The following TEAD1 variants were observed in gnomAD, a reference collection of about 807,000 sequenced individuals.
TEAD1 encodes the protein transcriptional enhancer factor TEF-1.
TEAD1 carries 9 observed loss-of-function variants against 54.9 expected under a neutral mutation model. The ratio of observed to expected loss-of-function variants is 0.16; its 90% CI spans 0.10 to 0.29. The LOEUF is 0.29. Among genes scored for constraint, TEAD1 ranks in the 10% least tolerant of loss-of-function variants. TEAD1 has a pLI of 1.00. For synonymous variants in TEAD1, 200 were observed against 187.8 expected (o/e 1.07, Z -0.53); for missense variants, 387 against 535.9 (o/e 0.72, Z 2.74).
chr11:12,678,566 C>T (rs921692425), intron 2 of TEAD1, among the ~76,000 whole-genome samples: 3 of 152,230 alleles, frequency 2.0e-5, no homozygotes, highest in Admixed American at 6.5e-5. Flanking sequence ...GTCCATCCTA[C>T]GCACTTCATA....
chr11:12,744,962 C>T (rs1425445792), intron 2 of TEAD1, among the ~76,000 whole-genome samples: 1 of 152,186 alleles, frequency 6.6e-6, no homozygotes, highest in African/African-American at 2.4e-5. Context: ...CCTCCCTGAG[C>T]TGTGCTCTGC....
intron 3 of TEAD1, among the ~76,000 whole-genome samples, chr11:12,840,630 A>G (rs974126633): frequency 6.6e-6 from 1 of 152,146 alleles, no homozygotes; most frequent in East Asian, 1.9e-4. Context: ...AGTGCCGTCT[A>G]TGTTAATAGA....
intron 2 of TEAD1, among the ~76,000 whole-genome samples, chr11:12,694,312 C>T (rs540996900): frequency 2.6e-5 from 4 of 151,840 alleles, no homozygotes; most frequent in South Asian, 2.1e-4. Context: ...GGGAGAGAGA[C>T]GAGAGAACAA....
At chr11:12,867,943 A>G (rs1320986412) in intron 5 of TEAD1, among the ~76,000 whole-genome samples, 1 of 152,316 alleles carries the variant, frequency 6.6e-6, no homozygotes, top group East Asian at 1.9e-4. Context: ...TGACCATCCC[A>G]GTAACTATCC....
At chr11:12,790,170 G>A (rs902786849) in intron 3 of TEAD1, among the ~76,000 whole-genome samples, 14 of 152,328 alleles carry the variant, frequency 9.2e-5, no homozygotes, top group African/African-American at 2.2e-4. Context: ...GAGTGGGGCC[G>A]TGCTACCTAC....
At chr11:12,868,424 C>G (rs1454412935) in intron 5 of TEAD1, among the ~76,000 whole-genome samples, 2 of 152,128 alleles carry the variant, frequency 1.3e-5, no homozygotes, top group African/African-American at 4.8e-5. Flanking sequence ...TTTTTAAATT[C>G]TGTAGTTTTG....
At chr11:12,781,279 T>C (rs1461827908) in intron 3 of TEAD1, among the ~76,000 whole-genome samples, 1 of 152,146 alleles carries the variant, frequency 6.6e-6, no homozygotes, top group African/African-American at 2.4e-5. Context: ...GGCAAAGCCT[T>C]AGATGTGACA....
intron 5 of TEAD1, among the ~76,000 whole-genome samples, chr11:12,866,894 A>G (rs1947629437): frequency 6.6e-6 from 1 of 151,254 alleles, no homozygotes; most frequent in African/African-American, 2.5e-5. Context: ...ATGGGAATGT[A>G]AACTAGAGGA....
chr11:12,678,138 T>C (rs771109729), intron 2 of TEAD1, among the ~76,000 whole-genome samples: 1 of 152,190 alleles, frequency 6.6e-6, no homozygotes, highest in Non-Finnish European at 1.5e-5. Context: ...GGTAAAACTT[T>C]AGGGTCTGTT....
chr11:12,882,013 G>A (rs1172393108), intron 8 of TEAD1, 56 bp downstream of exon 8: 3 of 1,579,162 alleles, frequency 1.9e-6, no homozygotes, highest in Admixed American at 1.7e-5. Context: ...CTGACAGCTG[G>A]GTCTGGCACT....
chr11:12,827,228 T>C (rs1291781781), intron 3 of TEAD1, among the ~76,000 whole-genome samples: 1 of 152,228 alleles, frequency 6.6e-6, no homozygotes, highest in Non-Finnish European at 1.5e-5. Flanking sequence ...ATCCTGACTT[T>C]ACTAGTCCAT....
Position 12,793,550 on chromosome 11 carries a change from T to C in TEAD1, c.202+29116T>C, listed in dbSNP as rs577240430. On this transcript the variant is annotated intron_variant, in intron 3 of 12. Coordinates refer to ENST00000527636, the MANE Select transcript of TEAD1 (RefSeq NM_021961.6). ...CAATATTGTTTAATTTTGTTCAGTT[T>C]TTCCTTTAGAGTATTGTCTGTCTTA... Among the ~76,000 whole-genome samples the C allele has an allele frequency of 3.8e-4, 58 of 152,356 alleles. 1 individual carries two copies. Among genetic ancestry groups the C allele is most frequent in the African/African-American group, 1.4e-3 (57 of 41,584 alleles).
At chr11:12,885,557 G>A (rs1351535285) in intron 9 of TEAD1, among the ~76,000 whole-genome samples, 2 of 152,146 alleles carry the variant, frequency 1.3e-5, no homozygotes, top group East Asian at 3.9e-4. Context: ...TTTTCAGTCT[G>A]AATATCTCCT....
chr11:12,779,276 A>G (rs1248660510), intron 3 of TEAD1, among the ~76,000 whole-genome samples: 1 of 152,170 alleles, frequency 6.6e-6, no homozygotes, highest in African/African-American at 2.4e-5. Context: ...AGAGTTCAGA[A>G]GGGTGTTGAG....
At position 12,764,312 on chromosome 11, in the gene TEAD1, T is replaced by A. The variant is rs778543110; in HGVS notation, c.80T>A (p.Ile27Asn). Reference sequence around the variant, plus strand: ...ATGAGTGACTCTGCAGATAAGCCAATTGACAATGATGCAGAAGGGGTCTGG... The same window carrying A: ...ATGAGTGACTCTGCAGATAAGCCAAATGACAATGATGCAGAAGGGGTCTGG... The change falls in exon 3 of 13, where the codon ATT (isoleucine) becomes AAT (asparagine). Residue 27 changes from isoleucine to asparagine, a missense_variant. Ile to Asn is a moderately radical substitution (Grantham distance 149, BLOSUM62 -3). Transcript: ENST00000527636. 1.2e-6 allele frequency: 2 copies of A among 1,614,160 alleles called. No individual in the cohort carries two copies. The highest frequency in any genetic ancestry group is 2.2e-5 in the South Asian group (2 of 91,078).
At position 12,883,132 on chromosome 11, in the gene TEAD1, G is replaced by A. The variant is rs368255240; in HGVS notation, c.699+7G>A. On this transcript the variant is annotated splice_region_variant and intron_variant, in intron 9 of 12. Transcript: ENST00000527636. ...GCAGCGAGACCCAGACTCGGTGAGT[G>A]TGCCCAGAGAGGTGTGTCTTGAATC... 18 of 1,614,088 alleles carry A rather than the reference G, an allele frequency of 1.1e-5. No individual in the cohort carries two copies. The Admixed American group carries it at 1.3e-4, about 12-fold the overall frequency.
At chr11:12,769,186 A>G (rs1489694951) in intron 3 of TEAD1, among the ~76,000 whole-genome samples, 2 of 152,178 alleles carry the variant, frequency 1.3e-5, no homozygotes, top group African/African-American at 4.8e-5. Flanking sequence ...TACCAGGACT[A>G]CTGGTCAGCC....
intron 2 of TEAD1, among the ~76,000 whole-genome samples, chr11:12,696,900 C>CTAG (rs1943596588): frequency 6.6e-6 from 1 of 152,156 alleles, no homozygotes; most frequent in Non-Finnish European, 1.5e-5. Context: ...GGTTCCTGGA[C>CTAG]TGTCTAGCTA....
chr11:12,879,531 A>G (rs1589952842), intron 5 of TEAD1, 177 bp from the exon 6 acceptor site: 1 of 757,128 alleles, frequency 1.3e-6, no homozygotes, highest in South Asian at 1.5e-5. Context: ...GTTGAGAGGT[A>G]CGGTAGGTTG....
Sources: allele counts gnomAD v4.1 joint callset (sites outside exome capture counted in the v4.1 genomes callset), GRCh38; gene constraint gnomAD v4.1.1; transcripts MANE v1.5; gene names NCBI Gene and HGNC (gene_info 2026-07-23, HGNC 2026-07-21).